TTLL3: variants seen among roughly 807,000 people sequenced by gnomAD.
TTLL3 encodes tubulin tyrosine ligase like 3.
Under a neutral mutation model 75.2 loss-of-function variants are expected in TTLL3, and 63 were observed. The observed-to-expected ratio is 0.84, with a 90% confidence interval of 0.68 to 1.03. TTLL3 has a LOEUF of 1.03. TTLL3 is among the 50% of genes least tolerant of loss of function. TTLL3 has a pLI of 0.00. For synonymous variants in TTLL3, 393 were observed against 418.5 expected (o/e 0.94, Z 0.74); for missense variants, 997 against 1,069.9 (o/e 0.93, Z 0.95).
At chr3:9,823,576 G>C (rs1332538477) in intron 8 of TTLL3, among the ~76,000 whole-genome samples, 1 of 151,376 alleles carries the variant, frequency 6.6e-6, no homozygotes, top group Non-Finnish European at 1.5e-5. Flanking sequence ...ATATTTTCCT[G>C]GGCCACATCA....
In TTLL3 at chr3:9,812,249, C is replaced by T. The variant is rs549228002; in HGVS notation, c.49-694C>T. The stretch of plus-strand genomic sequence containing the variant: ...ATTATTTGGGCACCAGATGAGGTGG[C>T]TGACGCCTGTAATTTCAGCACTTTG... On this transcript the variant is annotated intron_variant, in intron 2 of 13. Transcript: ENST00000685419. Among the ~76,000 whole-genome samples the T allele has an allele frequency of 1.2e-4, 19 of 152,212 alleles. 1 individual carries two copies. The highest frequency in any genetic ancestry group is 6.8e-3 in the Middle Eastern group (2 of 294).
At chr3:9,824,737 C>CTTTTTTTTTT (rs71052207) in intron 8 of TTLL3, among the ~76,000 whole-genome samples, 76 of 80,648 alleles carry the variant, frequency 9.4e-4, no homozygotes, top group African/African-American at 1.6e-3. Context: ...CTTTTCTTTT[C>CTTTTTTTTTT]TTTTTTTTTT....
chr3:9,818,522 T>C (rs1033579526), intron 6 of TTLL3: 47 of 475,156 alleles, frequency 9.9e-5, no homozygotes, highest in South Asian at 2.1e-4. Flanking sequence ...GCGCCCGCCA[T>C]CACGCCTGGC....
chr3:9,832,490 G>A (rs1018460991), intron 11 of TTLL3, among the ~76,000 whole-genome samples: 3 of 152,190 alleles, frequency 2.0e-5, no homozygotes, highest in African/African-American at 7.2e-5. Flanking sequence ...GCTCCAGGTT[G>A]CTAGCAAGGC....
chr3:9,821,546 T>G (rs2124849860), intron 8 of TTLL3, among the ~76,000 whole-genome samples: 1 of 152,238 alleles, frequency 6.6e-6, no homozygotes, highest in African/African-American at 2.4e-5. Flanking sequence ...ATTTAATTAC[T>G]CAGTAGGGGA....
chr3:9,822,743 A>ATG (rs1218664789), intron 8 of TTLL3, among the ~76,000 whole-genome samples: 1 of 141,130 alleles, frequency 7.1e-6, no homozygotes, highest in Non-Finnish European at 1.5e-5. Flanking sequence ...TATTATATAT[A>ATG]TTATAATATA....
chr3:9,824,557 CCCA>C (rs1389998839), intron 8 of TTLL3, among the ~76,000 whole-genome samples: 1 of 151,832 alleles, frequency 6.6e-6, no homozygotes, highest in Non-Finnish European at 1.5e-5. Flanking sequence ...ATTACAGGTG[CCCA>C]CCACCACACC....
chr3:9,819,213 T>C (rs2080186915), intron 7 of TTLL3: 1 of 422,458 alleles, frequency 2.4e-6, no homozygotes, highest in Non-Finnish European at 4.4e-6. Flanking sequence ...ATCTACCTGA[T>C]GTCAGCTCCA....
Position 9,810,284 on chromosome 3 carries a change from T to G in TTLL3, c.-152T>G. On this transcript the variant is annotated 5_prime_UTR_variant, in exon 1 of 14. Coordinates refer to ENST00000685419, the MANE Select transcript of TTLL3 (RefSeq NM_001387446.1). This position sits in a 1 kb window ranked among gnomAD's most constrained non-coding sequence, Gnocchi z 4.4. Reference sequence around the variant, plus strand: ...GGCAGCCCCGCCCCTGCGCGCCGCCTCAGCGGCGCCTTCAAGACGCTGGTC... The same window carrying G: ...GGCAGCCCCGCCCCTGCGCGCCGCCGCAGCGGCGCCTTCAAGACGCTGGTC... 1 of 1,504,158 alleles carries G rather than the reference T, an allele frequency of 6.6e-7. No individual in the cohort carries two copies. 93.2% of individuals were successfully genotyped at this position (1,504,158 alleles called of 1,614,324 possible). A position where few individuals can be genotyped will look rare whatever the true frequency, so the allele number is the denominator to read the frequency against.
chr3:9,829,372 G>A lies in TTLL3; in HGVS notation c.1660G>A (p.Ala554Thr). 1 of 1,602,980 alleles carries A rather than the reference G, an allele frequency of 6.2e-7. No individual in the cohort carries two copies. Among genetic ancestry groups the A allele is most frequent in the South Asian group, 1.1e-5 (1 of 90,058 alleles). The change falls in exon 11 of 14, where the codon GCC becomes ACC. Residue 554 changes from alanine (A) to threonine (T), a missense_variant. By Grantham distance (58) the Ala-to-Thr change is moderately conservative. Transcript: ENST00000685419. ...GCTGGACCGCAACTGTGACACAGGA[G>A]CCTTTGAGCTCATCTATAAGCAGGT... ...RMLDRNCDTG[A>T]FELIYKQPAV... is the part of the protein sequence containing the mutation.
chr3:9,826,549 A>G (rs1175074837), intron 9 of TTLL3, among the ~76,000 whole-genome samples: 1 of 152,044 alleles, frequency 6.6e-6, no homozygotes, highest in Non-Finnish European at 1.5e-5. Context: ...CCTGGCCAAC[A>G]TGGTGAAACC....
chr3:9,820,141 G>C (rs1162400583), intron 7 of TTLL3: 1 of 1,006,848 alleles, frequency 9.9e-7, no homozygotes, highest in Admixed American at 5.4e-5. Flanking sequence ...CTGGATTTCT[G>C]GTGTGTGGAC....
chr3:9,812,862 CTG>C, intron 2 of TTLL3, 79 bp from the exon 3 acceptor site: 1 of 1,395,078 alleles, frequency 7.2e-7, no homozygotes, highest in Non-Finnish European at 9.4e-7. Context: ...GAGTCCATAA[CTG>C]TCTGGTTCAC....
intron 12 of TTLL3, 145 bp downstream of exon 12, chr3:9,833,390 C>T (rs964876072): frequency 1.6e-6 from 2 of 1,279,812 alleles, no homozygotes; most frequent in African/African-American, 1.5e-5. Context: ...AAAAGGGCCA[C>T]AGCCCTGGTC....
In TTLL3 at chr3:9,825,917, C is replaced by T. The variant is rs1002636829; in HGVS notation, c.972C>T (p.Ile324=). ...TGGAAGGGGATCGCAACATCTGGAT[C>T]GTGAAGCCAGGAGCCAAGTCCCGCG... ...IDMEGDRNIW[I]VKPGAKSRGR... is the part of the protein sequence containing the mutation. The change falls in exon 9 of 14, where the codon ATC becomes ATT. Residue 324 remains isoleucine, a synonymous_variant. Transcript: ENST00000685419. The T allele has an allele frequency of 5.0e-6, 8 of 1,613,912 alleles. No homozygotes were observed. Among genetic ancestry groups the T allele is most frequent in the South Asian group, 3.3e-5 (3 of 91,082 alleles).
Position 9,813,329 on chromosome 3 carries a change from G to A in TTLL3, c.299G>A (p.Gly100Glu), listed in dbSNP as rs540458929. ...DDLLKFDDLD[G>E]THALMSRMVQ... The stretch of plus-strand genomic sequence containing the variant: ...TTACTGAAATTTGATGACCTAGATG[G>A]AACACATGCTCTGATGGTGAGGGCC... Residue 100 changes from glycine to glutamate, a missense_variant, in exon 4 of 14, where the codon GGA becomes GAA. Physicochemically the swap from Gly to Glu is moderately conservative, Grantham distance 98. Coordinates refer to ENST00000685419, the MANE Select transcript of TTLL3 (RefSeq NM_001387446.1). 1.9e-6 allele frequency: 3 copies of A among 1,614,182 alleles called. No homozygotes were observed. Among genetic ancestry groups the A allele is most frequent in the South Asian group, 1.1e-5 (1 of 91,070 alleles).
rs770987108 is a variant in TTLL3, at chr3:9,835,233, G to T, written c.2192G>T (p.Arg731Met). ...TCAAGGCCAGACTGTGACAAACCCA[G>T]GGCTGAGGCCTGCCCCATGAAGAGG... ...ANSRPDCDKPRAEACPMKRLS... is the reference protein window; with the variant it reads ...ANSRPDCDKPMAEACPMKRLS... Residue 731 changes from arginine to methionine, a missense_variant, in exon 14 of 14, where the codon AGG becomes ATG. Transcript: ENST00000685419. 2.1e-5 allele frequency: 34 copies of T among 1,614,052 alleles called. No individual in the cohort carries two copies. Among genetic ancestry groups the T allele is most frequent in the Non-Finnish European group, 2.6e-5 (31 of 1,180,026 alleles).
chr3:9,825,791 T>G lies in TTLL3; in HGVS notation c.855-9T>G. 1 of 1,613,924 alleles carries G rather than the reference T, an allele frequency of 6.2e-7. No homozygotes were observed. The highest frequency in any genetic ancestry group is 2.2e-5 in the East Asian group (1 of 44,884). ...CCAGCCCTGCCCAAGTTCTATCATT[T>G]CCCCACAGCGAAGGGGCAGAACTCA... is the stretch of plus-strand genomic sequence containing the variant. On this transcript the variant is annotated splice_polypyrimidine_tract_variant and intron_variant, in intron 8 of 13. Coordinates refer to ENST00000685419, the MANE Select transcript of TTLL3 (RefSeq NM_001387446.1).
Position 9,810,278 on chromosome 3 carries a change from G to A in TTLL3, c.-158G>A, listed in dbSNP as rs1179165916. The A allele has an allele frequency of 6.0e-6, 9 of 1,503,566 alleles. No individual in the cohort carries two copies. The highest frequency in any genetic ancestry group is 2.7e-5 in the East Asian group (1 of 37,152). 93.1% of individuals were successfully genotyped at this position (1,503,566 alleles called of 1,614,324 possible). A position where few individuals can be genotyped will look rare whatever the true frequency, so the allele number is the denominator to read the frequency against. On this transcript the variant is annotated 5_prime_UTR_variant, in exon 1 of 14. Transcript: ENST00000685419. This position sits in a 1 kb window ranked among gnomAD's most constrained non-coding sequence, Gnocchi z 4.4. ...CAGGCGGGCAGCCCCGCCCCTGCGC[G>A]CCGCCTCAGCGGCGCCTTCAAGACG...
Sources: gnomAD v4.1 joint callset for allele counts (sites outside exome capture counted in the v4.1 genomes callset) on GRCh38, gnomAD v4.1.1 for gene constraint, Gnocchi (gnomAD v3.1) non-coding constraint, MANE v1.5 for transcripts, NCBI Gene and HGNC (gene_info 2026-07-23, HGNC 2026-07-21) for gene names.